NCKAP5: variants seen among roughly 807,000 people sequenced by gnomAD.
NCKAP5 encodes the protein NCK associated protein 5.
In NCKAP5, 92 loss-of-function variants were observed where a neutral mutation model predicts 167.0. The observed-to-expected ratio is 0.55, with a 90% CI of 0.47 to 0.66. NCKAP5 has a LOEUF of 0.66. Ranked by LOEUF, NCKAP5 falls within the 30% of genes least tolerant of loss-of-function variation. NCKAP5 has a pLI of 0.00. For synonymous variants in NCKAP5, 891 were observed against 877.4 expected, an observed-to-expected ratio of 1.02 and a Z score of -0.27; for missense variants, 2,378 against 2,315.0, an observed-to-expected ratio of 1.03 and a Z score of -0.56.
chr2:132,776,874 A>C (rs574910151), intron 15 of NCKAP5, among the ~76,000 whole-genome samples: 1 of 152,134 alleles, frequency 6.6e-6, no homozygotes, highest in Non-Finnish European at 1.5e-5. Flanking sequence ...GAGGGCTGCC[A>C]GGTCAAGCAT....
chr2:133,421,047 A>G (rs1284612017), intron 3 of NCKAP5, among the ~76,000 whole-genome samples: 4 of 152,210 alleles, frequency 2.6e-5, no homozygotes, highest in Admixed American at 6.5e-5. Context: ...CTGACTAAAC[A>G]GTCTTTCTAA....
chr2:133,537,067 A>T (rs1342880207), intron 2 of NCKAP5, among the ~76,000 whole-genome samples: 1 of 152,062 alleles, frequency 6.6e-6, no homozygotes, highest in African/African-American at 2.4e-5. Context: ...TCTTTTTCTC[A>T]CAGAACTGTT....
At chr2:133,474,458 C>T (rs1679696846) in intron 3 of NCKAP5, among the ~76,000 whole-genome samples, 1 of 152,026 alleles carries the variant, frequency 6.6e-6, no homozygotes, top group Admixed American at 6.6e-5. Flanking sequence ...ACTTAGACTG[C>T]AGGAATAAGT....
chr2:133,475,460 G>A (rs944948670), intron 3 of NCKAP5, among the ~76,000 whole-genome samples: 1 of 152,064 alleles, frequency 6.6e-6, no homozygotes, highest in Admixed American at 6.6e-5. Flanking sequence ...ACAACTAAAG[G>A]CTCAAGAGCA....
chr2:133,582,556 G>A, the NCKAP5 span, among the ~76,000 whole-genome samples: 1 of 152,110 alleles, frequency 6.6e-6, no homozygotes, highest in Admixed American at 6.5e-5. Context: ...CACATGCACG[G>A]TAGTAATCAG....
At chr2:133,401,187 G>C (rs141491541) in intron 3 of NCKAP5, among the ~76,000 whole-genome samples, 1 of 152,328 alleles carries the variant, frequency 6.6e-6, no homozygotes, top group East Asian at 1.9e-4. Flanking sequence ...GGTTTGGAAA[G>C]CTTCTGGGAT....
intron 3 of NCKAP5, among the ~76,000 whole-genome samples, chr2:133,371,042 A>G (rs745475574): frequency 1.3e-5 from 2 of 152,226 alleles, no homozygotes; most frequent in African/African-American, 2.4e-5. Flanking sequence ...CTGGTAAAAC[A>G]TAAATCTTTG....
chr2:133,510,265 G>A (rs1002614893), intron 3 of NCKAP5, among the ~76,000 whole-genome samples: 10 of 152,024 alleles, frequency 6.6e-5, no homozygotes, highest in Admixed American at 3.3e-4. Flanking sequence ...GTGCCCCATC[G>A]CTCACCAGGT....
chr2:132,800,407 G>C (rs991594957), intron 11 of NCKAP5, among the ~76,000 whole-genome samples: 3 of 152,138 alleles, frequency 2.0e-5, no homozygotes, highest in African/African-American at 7.2e-5. Flanking sequence ...ACTCAGTATA[G>C]GTTTGAAATA....
intron 11 of NCKAP5, among the ~76,000 whole-genome samples, chr2:132,857,453 T>C (rs764656244): frequency 1.5e-4 from 23 of 152,154 alleles, no homozygotes; most frequent in Non-Finnish European, 2.2e-4. Context: ...GACAAATAAG[T>C]GTACATGGTA....
At chr2:133,219,201 A>C (rs1487233500) in intron 4 of NCKAP5, among the ~76,000 whole-genome samples, 1 of 152,190 alleles carries the variant, frequency 6.6e-6, no homozygotes, top group Non-Finnish European at 1.5e-5. Flanking sequence ...AAACATGGAA[A>C]ATTTCAGAGT....
chr2:132,993,565 A>G (rs1236517026), intron 7 of NCKAP5, among the ~76,000 whole-genome samples: 1 of 152,172 alleles, frequency 6.6e-6, no homozygotes. Flanking sequence ...CATACACCCC[A>G]GACCCCATCC....
intron 6 of NCKAP5, among the ~76,000 whole-genome samples, chr2:133,049,756 A>G (rs1395618211): frequency 6.6e-6 from 1 of 151,868 alleles, no homozygotes; most frequent in East Asian, 1.9e-4. Context: ...TGTGCTTGTG[A>G]CTCCAGTGCT....
chr2:133,240,507 T>C (rs1460329465), intron 4 of NCKAP5, among the ~76,000 whole-genome samples: 2 of 152,202 alleles, frequency 1.3e-5, no homozygotes, highest in Admixed American at 6.5e-5. Flanking sequence ...TCCAGATGGC[T>C]GGCGTCCTGT....
chr2:132,711,271 T>G (rs1444179951), intron 19 of NCKAP5, among the ~76,000 whole-genome samples: 1 of 152,234 alleles, frequency 6.6e-6, no homozygotes, highest in Non-Finnish European at 1.5e-5. Context: ...ATGTCTGGGT[T>G]GATTGCCTTC....
intron 16 of NCKAP5, among the ~76,000 whole-genome samples, chr2:132,771,289 G>A (rs953202644): frequency 6.6e-6 from 1 of 151,942 alleles, no homozygotes; most frequent in Non-Finnish European, 1.5e-5. Context: ...TTGTGTCTTC[G>A]TTTTTAACAA....
At chr2:133,571,068 CTT>C (rs1002312068), upstream of NCKAP5, among the ~76,000 whole-genome samples, 1 of 152,144 alleles carries the variant, frequency 6.6e-6, no homozygotes, top group Non-Finnish European at 1.5e-5. Flanking sequence ...ATAGGATAGA[CTT>C]TTCAAAGCAC....
intron 4 of NCKAP5, among the ~76,000 whole-genome samples, chr2:133,265,936 G>T (rs888025156): frequency 4.6e-5 from 7 of 152,218 alleles, no homozygotes; most frequent in African/African-American, 1.7e-4. Context: ...CAGGAGAGGC[G>T]CTGGCCCTCT....
intron 6 of NCKAP5, among the ~76,000 whole-genome samples, chr2:133,109,451 C>T (rs1026822685): frequency 2.0e-5 from 3 of 152,132 alleles, no homozygotes; most frequent in Non-Finnish European, 2.9e-5. Context: ...TCCCATGTGG[C>T]TTGCAAATGT....
Sources: allele counts gnomAD v4.1 joint callset (sites outside exome capture counted in the v4.1 genomes callset), GRCh38; gene constraint gnomAD v4.1.1; transcripts MANE v1.5; gene names NCBI Gene and HGNC (gene_info 2026-07-23, HGNC 2026-07-21).